PREX1: variants seen among roughly 807,000 people sequenced by gnomAD.
PREX1 encodes the protein phosphatidylinositol-3,4,5-trisphosphate dependent Rac exchange factor 1, also known as phosphatidylinositol 3,4,5-trisphosphate-dependent Rac exchanger 1 protein.
A neutral mutation model predicts 198.3 loss-of-function variants in PREX1; 41 were observed. That is an observed-to-expected ratio of 0.21 (90% CI 0.16 to 0.27). The LOEUF is 0.27. PREX1 is among the 10% of genes least tolerant of loss of function. The pLI, the probability that PREX1 is intolerant of heterozygous loss-of-function variation, is 1.00. For synonymous variants in PREX1, 843 were observed against 887.2 expected, an observed-to-expected ratio of 0.95 and a Z score of 0.89; for missense variants, 1,620 against 2,200.7, an observed-to-expected ratio of 0.74 and a Z score of 5.28.
chr20:48,828,792 AG>A (rs1568657669), upstream of PREX1, among the ~76,000 whole-genome samples: 1 of 152,194 alleles, frequency 6.6e-6, no homozygotes, highest in Non-Finnish European at 1.5e-5. Context: ...ATCAAGTGGC[AG>A]GTACCCTGCC....
intron 10 of PREX1, among the ~76,000 whole-genome samples, chr20:48,682,283 C>T (rs1222979375): frequency 6.6e-6 from 1 of 152,218 alleles, no homozygotes; most frequent in African/African-American, 2.4e-5. Context: ...ACAAACATCA[C>T]CTCCTCAGAG....
At chr20:48,823,317 T>G (rs1290932015) in intron 1 of PREX1, among the ~76,000 whole-genome samples, 3 of 141,556 alleles carry the variant, frequency 2.1e-5, no homozygotes, top group Non-Finnish European at 3.1e-5. Flanking sequence ...CACCCCATCA[T>G]GGGAGTTACT....
chr20:48,660,714 T>C (rs2089584397), intron 15 of PREX1, among the ~76,000 whole-genome samples: 2 of 152,318 alleles, frequency 1.3e-5, no homozygotes, highest in South Asian at 2.1e-4. Flanking sequence ...AAGGTAACTA[T>C]AGTGTCCAAA....
intron 18 of PREX1, among the ~76,000 whole-genome samples, chr20:48,656,737 C>CT (rs1335375595): frequency 1.3e-5 from 2 of 152,194 alleles, no homozygotes; most frequent in Non-Finnish European, 2.9e-5. Context: ...GGCTCAGTGT[C>CT]TTACTTCTGT....
rs1373152651 is a variant in PREX1 at position 48,661,468 on chromosome 20, T to TATAC, written c.1739-1408_1739-1407insGTAT. On this transcript the variant is annotated intron_variant, in intron 15 of 39. Transcript: ENST00000371941. ...AAATATATATATATATATATATATA[T>TATAC]ACACACACATATATATAATATAATA... Among the ~76,000 whole-genome samples, 201 of 76,680 alleles carry TATAC rather than the reference T, an allele frequency of 2.6e-3. 7 individuals are homozygous for TATAC. Among genetic ancestry groups the TATAC allele is most frequent in the African/African-American group, 0.013 (130 of 9,898 alleles). The allele number at this position is 76,680 out of a possible 152,430, so 50.3% of individuals were successfully genotyped here.
intron 7 of PREX1, among the ~76,000 whole-genome samples, chr20:48,695,995 T>G (rs1433105642): frequency 2.0e-5 from 3 of 152,238 alleles, no homozygotes; most frequent in African/African-American, 7.2e-5. Flanking sequence ...TCTTCATATA[T>G]TCTGGATGTG....
intron 7 of PREX1, among the ~76,000 whole-genome samples, chr20:48,694,507 A>T (rs756519749): frequency 7.2e-5 from 11 of 152,204 alleles, no homozygotes; most frequent in Non-Finnish European, 1.6e-4. Context: ...AGCAAGGTAA[A>T]CCATACATCA....
At chr20:48,747,937 G>A (rs1051271038) in intron 1 of PREX1, 57 bp from the exon 2 acceptor site, 12 of 1,495,278 alleles carry the variant, frequency 8.0e-6, no homozygotes, top group African/African-American at 2.8e-5. Context: ...TCCCATGGAC[G>A]GCCCTACAGA....
chr20:48,690,560 G>A (rs1208239565), intron 9 of PREX1, among the ~76,000 whole-genome samples: 6 of 151,986 alleles, frequency 3.9e-5, no homozygotes. Context: ...GTGCCCAGAG[G>A]GACTCCTGAC....
chr20:48,777,004 C>A (rs778043348), intron 1 of PREX1, among the ~76,000 whole-genome samples: 1 of 152,190 alleles, frequency 6.6e-6, no homozygotes, highest in Non-Finnish European at 1.5e-5. Flanking sequence ...CGAGGGGTTT[C>A]TCCCGCCCCT....
At chr20:48,695,787 AT>A (rs1304373711) in intron 7 of PREX1, among the ~76,000 whole-genome samples, 1 of 151,886 alleles carries the variant, frequency 6.6e-6, no homozygotes, top group African/African-American at 2.4e-5. Context: ...GAGGTTGGCA[AT>A]TTTTTTTCTG....
At chr20:48,799,217 C>A (rs898620520) in intron 1 of PREX1, among the ~76,000 whole-genome samples, 5 of 152,170 alleles carry the variant, frequency 3.3e-5, no homozygotes, top group Non-Finnish European at 7.3e-5. Context: ...AATATAACAG[C>A]TATCATTTCT....
chr20:48,688,542 CTCTGCCCAGGATGGCT>C, intron 10 of PREX1, 99 bp downstream of exon 10: 1 of 1,368,842 alleles, frequency 7.3e-7, no homozygotes, highest in Non-Finnish European at 1.0e-6. Flanking sequence ...CCTTTTGTCA[CTCTGCCCAGGATGGCT>C]CCTGGGCAGG....
chr20:48,790,021 T>C (rs2090331077), intron 1 of PREX1, among the ~76,000 whole-genome samples: 1 of 152,066 alleles, frequency 6.6e-6, no homozygotes, highest in African/African-American at 2.4e-5. Flanking sequence ...AGCAAAGAAG[T>C]AGTAGAGTGC....
At chr20:48,810,164 A>G (rs2090427841) in intron 1 of PREX1, among the ~76,000 whole-genome samples, 1 of 152,214 alleles carries the variant, frequency 6.6e-6, no homozygotes, top group Non-Finnish European at 1.5e-5. Context: ...CTTCTCTTCC[A>G]AAGAGAAACC....
At position 48,649,472 on chromosome 20, in the gene PREX1, G is replaced by C. The variant is rs774989648; in HGVS notation, c.3133C>G (p.Leu1045Val). Residue 1045 changes from leucine to valine, a missense_variant, in exon 25 of 40, where the codon CTC becomes GTC. Transcript: ENST00000371941. ...GCTGGCCCGAAGCTGCCATCATGGA[G>C]ACCCTGGCCTTGGGGATCACCCTCT... ...AAEGDPQGQG[L>V]HDGSFGPASG... The C allele has an allele frequency of 5.0e-6, 8 of 1,614,058 alleles. No homozygotes were observed. The South Asian group carries it at 8.8e-5, about 18-fold the overall frequency.
intron 1 of PREX1, among the ~76,000 whole-genome samples, chr20:48,792,020 C>T (rs1328876540): frequency 6.6e-6 from 1 of 152,152 alleles, no homozygotes; most frequent in Non-Finnish European, 1.5e-5. Flanking sequence ...GGGTTGGGGG[C>T]CTGCCTGTGG....
rs910242410 is a variant in PREX1 at position 48,627,528 on chromosome 20, C to T, written c.4937+20G>A. ...CCAGCTGGGAGTGGACAGGAAGGGG[C>T]GGACGAGGCAGCCACTCACCGCGGA... On this transcript the variant is annotated intron_variant, in intron 39 of 39. Coordinates refer to ENST00000371941, the MANE Select transcript of PREX1 (RefSeq NM_020820.4). 4.8e-5 allele frequency: 77 copies of T among 1,613,538 alleles called. No individual in the cohort carries two copies. Among genetic ancestry groups the T allele is most frequent in the Middle Eastern group, 3.3e-4 (2 of 6,058 alleles).
chr20:48,730,960 C>T (rs904639911), intron 4 of PREX1, among the ~76,000 whole-genome samples: 2 of 152,182 alleles, frequency 1.3e-5, no homozygotes, highest in Admixed American at 1.3e-4. Context: ...CAAGCCATTA[C>T]ATTCCAGCCT....
Sources: allele counts gnomAD v4.1 joint callset (sites outside exome capture counted in the v4.1 genomes callset), GRCh38; gene constraint gnomAD v4.1.1; transcripts MANE v1.5; gene names NCBI Gene and HGNC (gene_info 2026-07-23, HGNC 2026-07-21).